The following MGAT5B variants were observed in gnomAD, a reference collection of about 807,000 sequenced individuals.
The protein encoded by MGAT5B is alpha-1,6-mannosylglycoprotein 6-beta-N-acetylglucosaminyltransferase B.
Under a neutral mutation model 95.1 loss-of-function variants are expected in MGAT5B, and 54 were observed. The observed-to-expected ratio is 0.57, with a 90% CI of 0.46 to 0.71. MGAT5B has a LOEUF of 0.71. Ranked by LOEUF, MGAT5B falls within the 30% of genes least tolerant of loss-of-function variation. The pLI is 0.00. For synonymous variants in MGAT5B, 464 were observed against 451.0 expected (o/e 1.03, Z -0.36); for missense variants, 935 against 1,088.6 (o/e 0.86, Z 1.99).
In MGAT5B at chr17:76,869,463, C is replaced by A. The variant is rs984362986; in HGVS notation, c.68+366C>A. Among the ~76,000 whole-genome samples the A allele has an allele frequency of 6.6e-6, 1 of 152,142 alleles. No individual in the cohort carries two copies. The highest frequency in any genetic ancestry group is 6.5e-5 in the Admixed American group (1 of 15,288). ...TTCCTCACCCCGCGGACGGTCCCATCCGGGTGGCAAAGTTAGTGTGCGGCG... is the reference window on the plus strand; with the variant it reads ...TTCCTCACCCCGCGGACGGTCCCATACGGGTGGCAAAGTTAGTGTGCGGCG... On this transcript the variant is annotated intron_variant, in intron 1 of 17. Coordinates refer to ENST00000569840, the MANE Select transcript of MGAT5B (RefSeq NM_001199172.2). The surrounding 1 kb of genome is among the most constrained non-coding windows in gnomAD (Gnocchi z 7.0).
At chr17:76,927,717 C>T (rs1372519491) in intron 10 of MGAT5B, among the ~76,000 whole-genome samples, 5 of 152,362 alleles carry the variant, frequency 3.3e-5, no homozygotes, top group African/African-American at 1.2e-4. Flanking sequence ...GTCCCCTCCT[C>T]GTGTCTGGTT....
At chr17:76,936,357 G>C (rs973567355) in intron 12 of MGAT5B, among the ~76,000 whole-genome samples, 1 of 152,136 alleles carries the variant, frequency 6.6e-6, no homozygotes, top group Non-Finnish European at 1.5e-5. Flanking sequence ...GCAGTGAGTC[G>C]AGATCGCACC....
Position 76,938,256 on chromosome 17 carries a change from C to A in MGAT5B, c.1584+113C>A. ...CCTTCCACATATGGACATACCCCAG[C>A]ATGCTCTGCTGCCCTGAGCCCCACA... On this transcript the variant is annotated intron_variant, in intron 13 of 17. Transcript: ENST00000569840. The surrounding 1 kb of genome is among the most constrained non-coding windows in gnomAD (Gnocchi z 4.3). 2.2e-6 allele frequency: 3 copies of A among 1,377,266 alleles called. No homozygotes were observed. Among genetic ancestry groups the A allele is most frequent in the Non-Finnish European group, 3.0e-6 (3 of 1,002,984 alleles). The allele number at this position is 1,377,266 out of a possible 1,614,324, so 85.3% of individuals were successfully genotyped here.
At chr17:76,876,515 A>T (rs890811208) in intron 2 of MGAT5B, among the ~76,000 whole-genome samples, 1 of 152,202 alleles carries the variant, frequency 6.6e-6, no homozygotes, top group Non-Finnish European at 1.5e-5. Context: ...CAAATGGGAA[A>T]AACAATCTCT....
At chr17:76,919,322 A>G (rs540982593) in intron 8 of MGAT5B, among the ~76,000 whole-genome samples, 271 of 152,344 alleles carry the variant, frequency 1.8e-3, no homozygotes, top group Non-Finnish European at 3.2e-3. Context: ...AGTCCCAGGC[A>G]GGTGGGGAAC....
At position 76,868,942 on chromosome 17, in the gene MGAT5B, G is replaced by A. The variant is rs557216856; in HGVS notation, c.-88G>A. On this transcript the variant is annotated 5_prime_UTR_variant, in exon 1 of 18. Transcript: ENST00000569840. This position sits in a 1 kb window ranked among gnomAD's most constrained non-coding sequence, Gnocchi z 6.3. ...CTCGGACGCGGCTTCGGCCCGCAGA[G>A]GGTTCGTGGCCCGGACGCGGCGAGA... The A allele has an allele frequency of 2.1e-5, 28 of 1,349,094 alleles. No individual in the cohort carries two copies. The Admixed American group carries it at 4.4e-4, about 21-fold the overall frequency. The allele number at this position is 1,349,094 out of a possible 1,614,324, so 83.6% of individuals were successfully genotyped here. A position where few individuals can be genotyped will look rare whatever the true frequency, so the allele number is the denominator to read the frequency against.
intron 12 of MGAT5B, among the ~76,000 whole-genome samples, chr17:76,936,558 T>C (rs889134689): frequency 2.0e-5 from 3 of 152,248 alleles, no homozygotes; most frequent in African/African-American, 4.8e-5. Flanking sequence ...TCCTGTTTTT[T>C]TGTATAAGTT....
At position 76,905,885 on chromosome 17, in the gene MGAT5B, C is replaced by T; in HGVS notation, c.856-133C>T. The T allele has an allele frequency of 3.2e-6, 3 of 945,530 alleles. No homozygotes were observed. The highest frequency in any genetic ancestry group is 3.4e-4 in the Middle Eastern group (1 of 2,916). The allele number at this position is 945,530 out of a possible 1,614,324, so 58.6% of individuals were successfully genotyped here. On this transcript the variant is annotated intron_variant, in intron 7 of 17. Transcript: ENST00000569840. The surrounding 1 kb of genome is among the most constrained non-coding windows in gnomAD (Gnocchi z 4.2). The stretch of plus-strand genomic sequence containing the variant: ...AGTGCCCGATCTGGTCACTCTGGTG[C>T]CGGAAAGCACCTGCTGGGGCCCAGC...
chr17:76,868,925 C>T lies in MGAT5B; in HGVS notation c.-105C>T. 2 of 1,096,178 alleles carry T rather than the reference C, an allele frequency of 1.8e-6. No individual in the cohort carries two copies. Among genetic ancestry groups the T allele is most frequent in the South Asian group, 2.9e-5 (2 of 69,360 alleles). 67.9% of individuals were successfully genotyped at this position (1,096,178 alleles called of 1,614,324 possible). A position where few individuals can be genotyped will look rare whatever the true frequency, so the allele number is the denominator to read the frequency against. On this transcript the variant is annotated 5_prime_UTR_variant, in exon 1 of 18. Coordinates refer to ENST00000569840, the MANE Select transcript of MGAT5B (RefSeq NM_001199172.2). The surrounding 1 kb of genome is among the most constrained non-coding windows in gnomAD (Gnocchi z 6.3). ...GCGCGCTCCCAGCTTCGCTCGGACG[C>T]GGCTTCGGCCCGCAGAGGGTTCGTG...
Position 76,905,481 on chromosome 17 carries a change from G to T in MGAT5B, c.855+148G>T, listed in dbSNP as rs527627363. The T allele has an allele frequency of 2.8e-5, 22 of 782,128 alleles. No individual in the cohort carries two copies. The highest frequency in any genetic ancestry group is 2.8e-4 in the African/African-American group (16 of 57,540). 48.4% of individuals were successfully genotyped at this position (782,128 alleles called of 1,614,324 possible). ...AGAGGGGTAGGGATGGCAGAGTCGGGATAGATGTCTGTGGTGGTGGCCCCT... is the reference window on the plus strand; with the variant it reads ...AGAGGGGTAGGGATGGCAGAGTCGGTATAGATGTCTGTGGTGGTGGCCCCT... On this transcript the variant is annotated intron_variant, in intron 7 of 17. Transcript: ENST00000569840. This position sits in a 1 kb window ranked among gnomAD's most constrained non-coding sequence, Gnocchi z 4.2.
At chr17:76,947,796 C>T (rs766761721) in intron 16 of MGAT5B, 34 bp from the exon 17 acceptor site, 9 of 1,509,246 alleles carry the variant, frequency 6.0e-6, no homozygotes, top group Non-Finnish European at 8.0e-6. Context: ...CTGGGTCGCA[C>T]TTCCCCACCC....
At chr17:76,881,218 G>A (rs893241246) in intron 2 of MGAT5B, among the ~76,000 whole-genome samples, 2 of 152,220 alleles carry the variant, frequency 1.3e-5, no homozygotes, top group African/African-American at 4.8e-5. Flanking sequence ...AAAGGAAGCC[G>A]TGGAGGACTG....
rs9904156 is a variant in MGAT5B, at chr17:76,916,942, G to T, written c.1026-8024G>T. ...GGGTTCCCGCCTCTTAGAAACTGGG[G>T]CCAGGGCTGGTCTGGGGCTTTTTAT... On this transcript the variant is annotated intron_variant, in intron 8 of 17. Coordinates refer to ENST00000569840, the MANE Select transcript of MGAT5B (RefSeq NM_001199172.2). The surrounding 1 kb of genome is among the most constrained non-coding windows in gnomAD (Gnocchi z 5.3). Among the ~76,000 whole-genome samples, 10,050 of 152,194 alleles carry T rather than the reference G, an allele frequency of 0.066. 441 individuals are homozygous for T. The highest frequency in any genetic ancestry group is 0.21 in the East Asian group (1,081 of 5,174).
At position 76,932,686 on chromosome 17, in the gene MGAT5B, G is replaced by T; in HGVS notation, c.1333G>T (p.Glu445Ter). 1 of 1,614,076 alleles carries T rather than the reference G, an allele frequency of 6.2e-7. No individual in the cohort carries two copies. The change falls in exon 11 of 18, where the codon GAG becomes TAG. Residue 445 changes from glutamate (E) to a stop codon, truncating the protein, a stop_gained. Transcript: ENST00000569840. LOFTEE classifies it high-confidence loss of function. ...DNSFMGFVSE[E>*]LNETEKRLIK... The stretch of plus-strand genomic sequence containing the variant: ...CTCCTTCATGGGCTTCGTGTCCGAG[G>T]AGCTCAACGAGACGGAGAAGCGGCT...
Position 76,881,367 on chromosome 17 carries a change from T to A in MGAT5B, c.182-784T>A, listed in dbSNP as rs566015450. ...CAGGGAACCTGCCCTTGTCAGTTGATCTTTGGAAATCCAAAGACCAGCTTG... is the reference window on the plus strand; with the variant it reads ...CAGGGAACCTGCCCTTGTCAGTTGAACTTTGGAAATCCAAAGACCAGCTTG... On this transcript the variant is annotated intron_variant, in intron 2 of 17. Transcript: ENST00000569840. Among the ~76,000 whole-genome samples the A allele has an allele frequency of 1.2e-4, 19 of 152,306 alleles. No individual in the cohort carries two copies. The South Asian group carries it at 3.9e-3, about 32-fold the overall frequency.
chr17:76,925,129 C>T, intron 9 of MGAT5B, 32 bp downstream of exon 9: 6 of 1,609,166 alleles, frequency 3.7e-6, no homozygotes, highest in Non-Finnish European at 3.4e-6. Flanking sequence ...GGGCACGTGG[C>T]CCACATGCCA....
At chr17:76,900,161 T>G (rs942568694) in intron 3 of MGAT5B, among the ~76,000 whole-genome samples, 10 of 152,322 alleles carry the variant, frequency 6.6e-5, no homozygotes, top group African/African-American at 1.9e-4. Flanking sequence ...CTGAGCTTCC[T>G]CTCATCTCCT....
Position 76,916,783 on chromosome 17 carries a change from C to T in MGAT5B, c.1026-8183C>T, listed in dbSNP as rs1968955271. ...AGGGATGAGGGGACCAGTGTTCTTC[C>T]TCTGCCAAGGACAGACCAAGAGAGC... On this transcript the variant is annotated intron_variant, in intron 8 of 17. Transcript: ENST00000569840. This position sits in a 1 kb window ranked among gnomAD's most constrained non-coding sequence, Gnocchi z 5.3. 1.3e-5 allele frequency among the ~76,000 whole-genome samples: 2 copies of T among 152,152 alleles called. No homozygotes were observed. Among genetic ancestry groups the T allele is most frequent in the East Asian group, 1.9e-4 (1 of 5,188 alleles).
intron 8 of MGAT5B, among the ~76,000 whole-genome samples, chr17:76,920,225 A>G (rs894943): frequency 0.3 from 46,274 of 151,948 alleles, 7,750 homozygotes; most frequent in East Asian, 0.56. Flanking sequence ...TCCTCCCCCC[A>G]CCACCCTCCT....
Sources: gnomAD v4.1 joint callset for allele counts (sites outside exome capture counted in the v4.1 genomes callset) on GRCh38, gnomAD v4.1.1 for gene constraint, Gnocchi (gnomAD v3.1) non-coding constraint, MANE v1.5 for transcripts, NCBI Gene and HGNC (gene_info 2026-07-23, HGNC 2026-07-21) for gene names.